The following SLC22A17 variants were observed in gnomAD, a reference collection of about 807,000 sequenced individuals.
The protein encoded by SLC22A17 is 24p3 receptor.
Under a neutral mutation model 53.6 loss-of-function variants are expected in SLC22A17, and 38 were observed. The observed-to-expected ratio is 0.71, with a 90% CI of 0.55 to 0.93. The LOEUF (loss-of-function observed/expected upper bound fraction) is 0.93. Ranked by LOEUF, SLC22A17 falls within the 40% of genes least tolerant of loss-of-function variation. The probability of loss-of-function intolerance (pLI) is 0.00; values close to 1 mark genes in which losing one functional copy is unlikely to be tolerated. For synonymous variants in SLC22A17, 379 were observed against 353.0 expected, an observed-to-expected ratio of 1.07 and a Z score of -0.82; for missense variants, 704 against 791.0, an observed-to-expected ratio of 0.89 and a Z score of 1.32.
At position 23,347,489 on chromosome 14, in the gene SLC22A17, A is replaced by G; in HGVS notation, c.1520T>C (p.Val507Ala). ...GTTGGGGTTCCCTTGTTGAGCCCAC[A>G]CTGTGGGGAAGATAGGATGCTCACA... Residue 507 changes from valine (V) to alanine (A), a missense_variant, in exon 8 of 10, where the codon GTG becomes GCG. Coordinates refer to ENST00000397267, the Ensembl canonical transcript of SLC22A17. This position sits in a 1 kb window ranked among gnomAD's most constrained non-coding sequence, Gnocchi z 5.1. 1 of 1,613,974 alleles carries G rather than the reference A, an allele frequency of 6.2e-7. No homozygotes were observed. The highest frequency in any genetic ancestry group is 8.5e-7 in the Non-Finnish European group (1 of 1,179,940).
chr14:23,352,065 A>C lies in SLC22A17; in HGVS notation c.483T>G (p.Arg161=). ...ACGAGGGGTCGGTACTGGTGGCGAC[A>C]CGGCTGGCGGCGCTGGCTGCTAGGG... The change falls in exon 2 of 10, where the codon CGT becomes CGG. Residue 161 remains arginine (R), a synonymous_variant. Coordinates refer to ENST00000397267, the Ensembl canonical transcript of SLC22A17. This position sits in a 1 kb window ranked among gnomAD's most constrained non-coding sequence, Gnocchi z 7.2. The C allele has an allele frequency of 6.2e-7, 1 of 1,602,716 alleles. No homozygotes were observed. The highest frequency in any genetic ancestry group is 8.5e-7 in the Non-Finnish European group (1 of 1,175,238).
At chr14:23,351,709 AC>A in intron 3 of SLC22A17, 42 bp downstream of exon 3, 2 of 1,560,360 alleles carry the variant, frequency 1.3e-6, no homozygotes, top group Non-Finnish European at 1.7e-6. Context: ...CTTCCCTAGC[AC>A]CCCCTCCTTT....
rs1889339367 is a variant in SLC22A17 at position 23,347,976 on chromosome 14, G to A, written c.1192C>T (p.Leu398Phe). The change falls in exon 7 of 10, where the codon CTC becomes TTC. Residue 398 changes from leucine to phenylalanine, a missense_variant. By Grantham distance (22) the Leu-to-Phe change is conservative (BLOSUM62 0). Around this residue, in one of 4 missense-constraint regions of SLC22A17, gnomAD observed 435 missense variants for 529.0 expected, o/e 0.82. Coordinates refer to ENST00000397267, the Ensembl canonical transcript of SLC22A17. This position sits in a 1 kb window ranked among gnomAD's most constrained non-coding sequence, Gnocchi z 5.1. ...AAGGAAAAGGAGGATGTTGCAGGGA[G>A]AGGGCAGGTATTCTCCAGGTCTTTG... The A allele has an allele frequency of 6.2e-7, 1 of 1,614,184 alleles. No individual in the cohort carries two copies. Among genetic ancestry groups the A allele is most frequent in the Non-Finnish European group, 8.5e-7 (1 of 1,180,014 alleles).
chr14:23,351,501 G>A, intron 3 of SLC22A17: 1 of 450,670 alleles, frequency 2.2e-6, no homozygotes. Context: ...CGGATAGGGG[G>A]CCACTAATTA....
At chr14:23,349,339 G>T in exon 4 of SLC22A17, 1 of 1,614,048 alleles carries the variant, frequency 6.2e-7, no homozygotes, top group East Asian at 2.2e-5. Flanking sequence ...GGGCCATGAC[G>T]CCTGTGGAGG....
At chr14:23,351,778 G>A (rs750305340) in exon 3 of SLC22A17, 1 of 1,613,664 alleles carries the variant, frequency 6.2e-7, no homozygotes. Context: ...CCAGGAACAG[G>A]TAGCCGGAGG....
exon 10 of SLC22A17, chr14:23,346,466 G>C: frequency 2.7e-6 from 2 of 736,640 alleles, no homozygotes; most frequent in Admixed American, 3.2e-5. Context: ...TCTGGCCAAG[G>C]AAGTGAATGC....
Position 23,347,713 on chromosome 14 carries a change from A to G in SLC22A17, c.1296T>C (p.Ile432=). The G allele has an allele frequency of 3.7e-6, 6 of 1,613,806 alleles. No individual in the cohort carries two copies. The highest frequency in any genetic ancestry group is 5.1e-6 in the Non-Finnish European group (6 of 1,179,962). The stretch of plus-strand genomic sequence containing the variant: ...CTCCCACAGGCTGGTAGCAGTGGCG[A>G]ATGGCATGGGCAATGAAGCTGTGAG... Residue 432 remains isoleucine (I), a synonymous_variant, in exon 8 of 10, where the codon ATT becomes ATC. Transcript: ENST00000397267. This position sits in a 1 kb window ranked among gnomAD's most constrained non-coding sequence, Gnocchi z 5.1.
At chr14:23,349,113 G>A (rs1043086449) in intron 4 of SLC22A17, 159 bp downstream of exon 4, 78 of 896,690 alleles carry the variant, frequency 8.7e-5, no homozygotes, top group Non-Finnish European at 1.3e-4. Context: ...GGTGTAGAGA[G>A]AAGCAAGAGC....
In SLC22A17 at chr14:23,347,680, CCCT is replaced by C. The variant is rs772647456; in HGVS notation, c.1326_1328del (p.Gly443del). ...AGCACAGGTAGAAGTCCGATGGGCT[CCCT>C]CCTCCTCCCACAGGCTGGTAGCAGT... On this transcript the variant is annotated inframe_deletion, in exon 8 of 10. Transcript: ENST00000397267. The surrounding 1 kb of genome is among the most constrained non-coding windows in gnomAD (Gnocchi z 5.1). The C allele has an allele frequency of 1.9e-6, 3 of 1,613,904 alleles. No individual in the cohort carries two copies. Among genetic ancestry groups the C allele is most frequent in the Non-Finnish European group, 2.5e-6 (3 of 1,180,020 alleles).
chr14:23,346,507 G>C, exon 10 of SLC22A17: 1 of 1,067,336 alleles, frequency 9.4e-7, no homozygotes, highest in South Asian at 1.8e-5. Flanking sequence ...GGGTGGGGAC[G>C]GCCCTCTGAG....
intron 3 of SLC22A17, chr14:23,351,504 A>C: frequency 4.5e-6 from 2 of 446,236 alleles, no homozygotes; most frequent in East Asian, 4.1e-5. Context: ...ATAGGGGGCC[A>C]CTAATTAGTG....
chr14:23,349,459 A>G (rs1396227959), intron 3 of SLC22A17, 33 bp from the exon 4 acceptor site: 1 of 1,594,482 alleles, frequency 6.3e-7, no homozygotes, highest in Non-Finnish European at 8.5e-7. Flanking sequence ...GGTCACCCAG[A>G]CTCTCTGGTG....
In SLC22A17 at chr14:23,352,073, C is replaced by A. The variant is rs776906049; in HGVS notation, c.475G>T (p.Ala159Ser). ...TCGGTACTGGTGGCGACACGGCTGG[C>A]GGCGCTGGCTGCTAGGGCAGCGCTG... The change falls in exon 2 of 10, where the codon GCC (alanine) becomes TCC (serine). Residue 159 changes from alanine to serine, a missense_variant. Transcript: ENST00000397267. This position sits in a 1 kb window ranked among gnomAD's most constrained non-coding sequence, Gnocchi z 7.2. 3.1e-6 allele frequency: 5 copies of A among 1,597,968 alleles called. No individual in the cohort carries two copies. Among genetic ancestry groups the A allele is most frequent in the Non-Finnish European group, 4.3e-6 (5 of 1,173,150 alleles).
chr14:23,349,454 C>A, intron 3 of SLC22A17, 28 bp from the exon 4 acceptor site: 5 of 1,598,846 alleles, frequency 3.1e-6, no homozygotes, highest in Non-Finnish European at 4.3e-6. Context: ...CTTCTGGTCA[C>A]CCAGACTCTC....
chr14:23,348,353 G>C lies in SLC22A17; in HGVS notation c.1026-47C>G. The C allele has an allele frequency of 1.9e-6, 3 of 1,607,652 alleles. No homozygotes were observed. Among genetic ancestry groups the C allele is most frequent in the South Asian group, 2.2e-5 (2 of 90,392 alleles). ...TATACTGTGAGGCCTCCCTTCTCCT[G>C]ATCTAGGGGTGGGAAATGTGCACCT... is the stretch of plus-strand genomic sequence containing the variant. On this transcript the variant is annotated intron_variant, in intron 5 of 9. Transcript: ENST00000397267. This position sits in a 1 kb window ranked among gnomAD's most constrained non-coding sequence, Gnocchi z 4.5.
chr14:23,350,867 A>G (rs1412528793), intron 3 of SLC22A17: 2 of 152,218 alleles, frequency 1.3e-5, no homozygotes, highest in Non-Finnish European at 2.9e-5. Context: ...TTGGGCAGTG[A>G]GGATGGGTAT....
At chr14:23,351,981 G>C in exon 2 of SLC22A17, 2 of 1,612,864 alleles carry the variant, frequency 1.2e-6, no homozygotes, top group African/African-American at 2.7e-5. Flanking sequence ...GCACAGGAAG[G>C]CCATTATAGT....
chr14:23,349,720 G>A (rs1413895257), intron 3 of SLC22A17: 2 of 474,172 alleles, frequency 4.2e-6, no homozygotes, highest in Non-Finnish European at 7.6e-6. Context: ...CAACAGAGGG[G>A]ATGGGATATT....
Sources: allele counts gnomAD v4.1 joint callset, GRCh38; gene constraint gnomAD v4.1.1; regional missense constraint gnomAD v4.1.1; non-coding constraint Gnocchi (gnomAD v3.1); transcripts MANE v1.5; gene names NCBI Gene and HGNC (gene_info 2026-07-23, HGNC 2026-07-21).